MYO5C: variants seen among roughly 807,000 people sequenced by gnomAD.
The protein encoded by MYO5C is unconventional myosin-Vc.
In MYO5C, 194 loss-of-function variants were observed where a neutral mutation model predicts 235.7. The observed-to-expected ratio is 0.82, with a 90% CI of 0.73 to 0.93. The LOEUF is 0.93. Ranked by LOEUF, MYO5C falls within the 40% of genes least tolerant of loss-of-function variation. The pLI is 0.00. For synonymous variants in MYO5C, 707 were observed against 754.8 expected, an observed-to-expected ratio of 0.94 and a Z score of 1.04; for missense variants, 2,038 against 2,127.2, an observed-to-expected ratio of 0.96 and a Z score of 0.82.
chr15:52,240,539 A>T (rs2036190484), intron 20 of MYO5C, among the ~76,000 whole-genome samples: 1 of 78,176 alleles, frequency 1.3e-5, no homozygotes, highest in South Asian at 3.9e-4. Flanking sequence ...CTCATTCTCT[A>T]CAAAAAAAGA....
At chr15:52,252,668 C>T (rs528641290) in intron 12 of MYO5C, among the ~76,000 whole-genome samples, 3 of 151,812 alleles carry the variant, frequency 2.0e-5, no homozygotes, top group Admixed American at 6.6e-5. Flanking sequence ...CCAGCTACTC[C>T]GGAGGCTGGA....
In MYO5C at chr15:52,224,885, G is replaced by A. The variant is rs746396177; in HGVS notation, c.3446+16C>T. On this transcript the variant is annotated intron_variant, in intron 28 of 40. Transcript: ENST00000261839. Reference sequence around the variant, plus strand: ...TCTCTGAAAAATAAAGAAGATCCCTGAGGAGAATTTCTAACCGTGTTGCTT... The same window carrying A: ...TCTCTGAAAAATAAAGAAGATCCCTAAGGAGAATTTCTAACCGTGTTGCTT... The A allele has an allele frequency of 1.2e-6, 2 of 1,602,054 alleles. No individual in the cohort carries two copies. Among genetic ancestry groups the A allele is most frequent in the African/African-American group, 2.7e-5 (2 of 74,440 alleles).
intron 9 of MYO5C, 128 bp from the exon 10 acceptor site, chr15:52,261,255 G>C: frequency 1.8e-6 from 2 of 1,142,416 alleles, no homozygotes; most frequent in Non-Finnish European, 2.4e-6. Context: ...GCACAAGGAC[G>C]CCCAGCCTCA....
intron 4 of MYO5C, chr15:52,278,145 G>A (rs1213435232): frequency 2.9e-6 from 1 of 350,014 alleles, no homozygotes; most frequent in East Asian, 7.8e-5. Flanking sequence ...AAGATAGGGT[G>A]GTGTTTCTAT....
chr15:52,247,119 G>A, intron 15 of MYO5C, 105 bp from the exon 16 acceptor site: 2 of 960,478 alleles, frequency 2.1e-6, no homozygotes, highest in Non-Finnish European at 3.2e-6. Context: ...AGGAAGAAAA[G>A]TTAACCTCAT....
chr15:52,204,799 G>T, intron 38 of MYO5C, 66 bp downstream of exon 38: 1 of 1,555,964 alleles, frequency 6.4e-7, no homozygotes, highest in Non-Finnish European at 8.7e-7. Flanking sequence ...GGCGCGTGGG[G>T]CCTCGGACTT....
At chr15:52,265,911 C>T (rs1419361683) in intron 8 of MYO5C, among the ~76,000 whole-genome samples, 1 of 152,226 alleles carries the variant, frequency 6.6e-6, no homozygotes, top group Non-Finnish European at 1.5e-5. Flanking sequence ...GACTCCAGCT[C>T]CAGCTGAGTC....
rs762800929 is a variant in MYO5C, at chr15:52,237,517, C to T, written c.2833G>A (p.Glu945Lys). 6 of 1,614,088 alleles carry T rather than the reference C, an allele frequency of 3.7e-6. No homozygotes were observed. Among genetic ancestry groups the T allele is most frequent in the Non-Finnish European group, 5.1e-6 (6 of 1,180,034 alleles). Reference sequence around the variant, plus strand: ...GCATCCCTGTATCTCTTCCCCTTCTCCTCGTAATTTCGCCTGTGAGTGGCT... The same window carrying T: ...GCATCCCTGTATCTCTTCCCCTTCTTCTCGTAATTTCGCCTGTGAGTGGCT... ...KAATHRRNYE[E>K]KGKRYRDAVE... Residue 945 changes from glutamate (E) to lysine (K), a missense_variant, in exon 22 of 41, where the codon GAG becomes AAG. Transcript: ENST00000261839.
chr15:52,245,062 C>T (rs146363177), intron 18 of MYO5C, among the ~76,000 whole-genome samples: 179 of 152,312 alleles, frequency 1.2e-3, no homozygotes, highest in Non-Finnish European at 2.1e-3. Context: ...CCCAGTTGAC[C>T]ATATCCTATA....
intron 2 of MYO5C, among the ~76,000 whole-genome samples, chr15:52,281,994 G>A (rs1346382166): frequency 1.3e-5 from 2 of 152,172 alleles, no homozygotes; most frequent in East Asian, 1.9e-4. Context: ...TAATCCAGTG[G>A]GATGTCACTA....
chr15:52,260,335 A>T (rs549195108), intron 10 of MYO5C, among the ~76,000 whole-genome samples: 23 of 152,338 alleles, frequency 1.5e-4, no homozygotes, highest in African/African-American at 5.5e-4. Flanking sequence ...ACCTGGGTTC[A>T]GTCCACCTCT....
At chr15:52,242,463 C>T in intron 19 of MYO5C, 1 of 449,162 alleles carries the variant, frequency 2.2e-6, no homozygotes, top group Non-Finnish European at 4.0e-6. Flanking sequence ...CACTCAGGTA[C>T]CCACAGAGAC....
At chr15:52,265,392 C>T (rs984672258) in intron 8 of MYO5C, among the ~76,000 whole-genome samples, 57 of 152,180 alleles carry the variant, frequency 3.7e-4, no homozygotes, top group African/African-American at 1.2e-3. Flanking sequence ...CTCGGGCTGG[C>T]AGGCAGGCTC....
At position 52,291,731 on chromosome 15, in the gene MYO5C, G is replaced by GTTTTT. The variant is rs1196328559; in HGVS notation, c.27+3874_27+3878dup. On this transcript the variant is annotated intron_variant, in intron 1 of 40. Transcript: ENST00000261839. ...TTTTTTCTTTGTTTGCATATTTTAT[G>GTTTTT]TTTTTTTTTTTTTTTTTTTTTTTTT... is the stretch of plus-strand genomic sequence containing the variant. Among the ~76,000 whole-genome samples the GTTTTT allele has an allele frequency of 1.7e-3, 89 of 52,546 alleles. 17 individuals carry two copies. Among genetic ancestry groups the GTTTTT allele is most frequent in the African/African-American group, 5.9e-3 (71 of 12,046 alleles). 34.5% of individuals were successfully genotyped at this position (52,546 alleles called of 152,430 possible).
chr15:52,282,646 T>G, intron 2 of MYO5C, 136 bp downstream of exon 2: 1 of 655,168 alleles, frequency 1.5e-6, no homozygotes, highest in Non-Finnish European at 2.8e-6. Context: ...CAGGAGGCCA[T>G]TTGGGAATGG....
chr15:52,278,013 C>T (rs1309603287), intron 4 of MYO5C: 1 of 452,328 alleles, frequency 2.2e-6, no homozygotes, highest in Admixed American at 2.4e-5. Context: ...AGGTCCTGTG[C>T]CTCAGATTTC....
intron 38 of MYO5C, among the ~76,000 whole-genome samples, chr15:52,202,881 G>A (rs1412206528): frequency 6.6e-6 from 1 of 151,076 alleles, no homozygotes; most frequent in East Asian, 1.9e-4. Context: ...ATTTTTCTGG[G>A]TACATAGTAG....
chr15:52,205,661 A>C (rs568618176), intron 37 of MYO5C, 155 bp downstream of exon 37: 4 of 458,558 alleles, frequency 8.7e-6, no homozygotes, highest in South Asian at 1.2e-4. Context: ...CATTATAAGC[A>C]AGCAAAGAAT....
In MYO5C at chr15:52,206,111, C is replaced by T. The variant is rs543767537; in HGVS notation, c.4387-145G>A. 1.5e-4 allele frequency: 74 copies of T among 500,238 alleles called. 1 individual carries two copies. The South Asian group carries it at 3.4e-3, about 23-fold the overall frequency. The allele number at this position is 500,238 out of a possible 1,614,324, so 31.0% of individuals were successfully genotyped here. A position where few individuals can be genotyped will look rare whatever the true frequency, so the allele number is the denominator to read the frequency against. On this transcript the variant is annotated intron_variant, in intron 36 of 40. Coordinates refer to ENST00000261839, the MANE Select transcript of MYO5C (RefSeq NM_018728.4). ...TGATGCTTGGGGTAGCATGTACCTT[C>T]TATAAGAAAAAAATTGCACTGATTT...
Sources: allele counts gnomAD v4.1 joint callset (sites outside exome capture counted in the v4.1 genomes callset), GRCh38; gene constraint gnomAD v4.1.1; transcripts MANE v1.5; gene names NCBI Gene and HGNC (gene_info 2026-07-23, HGNC 2026-07-21).